The following TACC2 variants were observed in gnomAD, a reference collection of about 807,000 sequenced individuals.
TACC2 encodes transforming acidic coiled-coil-containing protein 2.
A neutral mutation model predicts 227.3 loss-of-function variants in TACC2; 137 were observed. The ratio of observed to expected loss-of-function variants is 0.60; its 90% confidence interval spans 0.52 to 0.69. The LOEUF is 0.69. Among genes scored for constraint, TACC2 ranks in the 30% least tolerant of loss-of-function variants. The pLI is 0.00. For synonymous variants in TACC2, 1,523 were observed against 1,487.5 expected, an observed-to-expected ratio of 1.02 and a Z score of -0.55; for missense variants, 3,470 against 3,694.4, an observed-to-expected ratio of 0.94 and a Z score of 1.57.
At chr10:122,116,025 C>T (rs1297533681) in intron 5 of TACC2, among the ~76,000 whole-genome samples, 1 of 152,102 alleles carries the variant, frequency 6.6e-6, no homozygotes, top group African/African-American at 2.4e-5. Flanking sequence ...TCTGCCTCTC[C>T]CCTATTGAGG....
chr10:122,226,433 T>A lies in TACC2; in HGVS notation c.7676T>A (p.Val2559Asp). ...LMFDTSQESP[V>D]KSSPVRMSES... ...TTTGACACTTCTCAGGAGAGCCCTG[T>A]CAAGTCATCTCCCGTCCGCATGTCA... is the stretch of plus-strand genomic sequence containing the variant. Residue 2559 changes from valine to aspartate, a missense_variant, in exon 13 of 23, where the codon GTC becomes GAC. Physicochemically the swap from Val to Asp is radical, Grantham distance 152 (BLOSUM62 -3). Transcript: ENST00000369005. The A allele has an allele frequency of 4.3e-6, 7 of 1,614,084 alleles. No individual in the cohort carries two copies. The highest frequency in any genetic ancestry group is 5.9e-6 in the Non-Finnish European group (7 of 1,180,012).
chr10:122,148,502 G>A (rs76580997), intron 7 of TACC2, among the ~76,000 whole-genome samples: 4,892 of 152,308 alleles, frequency 0.032, 201 homozygotes, highest in African/African-American at 0.097. Flanking sequence ...TGGAGCCAGC[G>A]TGCCTTCTGG....
chr10:122,188,173 A>G (rs966189746), intron 7 of TACC2, among the ~76,000 whole-genome samples: 3 of 152,240 alleles, frequency 2.0e-5, no homozygotes, highest in African/African-American at 7.2e-5. Flanking sequence ...GCTGAGATCC[A>G]GAAAATGGTT....
chr10:122,037,910 TTTTG>T (rs144221132), intron 2 of TACC2, among the ~76,000 whole-genome samples: 28,920 of 151,162 alleles, frequency 0.19, 3,137 homozygotes, highest in Admixed American at 0.27. Flanking sequence ...TTTTGTTGGT[TTTTG>T]TTTGTTTGTT....
chr10:122,198,721 C>G (rs968907668), intron 8 of TACC2, among the ~76,000 whole-genome samples: 1 of 152,222 alleles, frequency 6.6e-6, no homozygotes, highest in Non-Finnish European at 1.5e-5. Context: ...AAGCCCGGCT[C>G]CCTTCCATTT....
Position 122,248,864 on chromosome 10 carries a change from A to G in TACC2, c.8553+61A>G, listed in dbSNP as rs976489058. 7.5e-6 allele frequency: 12 copies of G among 1,600,960 alleles called. No individual in the cohort carries two copies. In the East Asian group the frequency reaches 2.0e-4, roughly 27 times the overall value. On this transcript the variant is annotated intron_variant, in intron 20 of 22. Transcript: ENST00000369005. ...TCTGATTGGGAGAGATTGTGGGAGC[A>G]CTGGGAGGGGGTAGGATTCCAGAAG...
intron 6 of TACC2, among the ~76,000 whole-genome samples, chr10:122,136,182 C>T (rs1343428265): frequency 6.6e-6 from 1 of 152,188 alleles, no homozygotes; most frequent in Non-Finnish European, 1.5e-5. Context: ...GGCAATAATT[C>T]AGTGTCTCCT....
At chr10:122,133,795 C>T (rs1356371882) in intron 6 of TACC2, among the ~76,000 whole-genome samples, 1 of 152,164 alleles carries the variant, frequency 6.6e-6, no homozygotes, top group Non-Finnish European at 1.5e-5. Context: ...GTAAATGACC[C>T]GTATCTAATT....
chr10:122,191,973 G>T (rs936863887), intron 7 of TACC2, among the ~76,000 whole-genome samples: 1 of 152,148 alleles, frequency 6.6e-6, no homozygotes, highest in African/African-American at 2.4e-5. Context: ...AGACTCGTTG[G>T]GGGTGGACTG....
intron 6 of TACC2, among the ~76,000 whole-genome samples, chr10:122,137,252 C>A (rs775633313): frequency 6.6e-5 from 10 of 151,512 alleles, no homozygotes; most frequent in Non-Finnish European, 1.2e-4. Context: ...TGCCTATGGC[C>A]ACTTGTACTC....
intron 9 of TACC2, among the ~76,000 whole-genome samples, chr10:122,213,794 G>A (rs1164523726): frequency 6.6e-6 from 1 of 152,324 alleles, no homozygotes; most frequent in East Asian, 1.9e-4. Flanking sequence ...CACAGGCAGC[G>A]ACGGCCACAG....
At chr10:122,007,557 C>T (rs1363401379) in intron 1 of TACC2, among the ~76,000 whole-genome samples, 2 of 151,986 alleles carry the variant, frequency 1.3e-5, no homozygotes, top group Non-Finnish European at 2.9e-5. Flanking sequence ...TCTTCTTGTC[C>T]GTTTTTATGG....
At chr10:122,096,650 C>T (rs577656973) in intron 5 of TACC2, among the ~76,000 whole-genome samples, 27 of 149,062 alleles carry the variant, frequency 1.8e-4, no homozygotes, top group African/African-American at 5.4e-4. Flanking sequence ...GAACTGAGAT[C>T]GCGCCATTGC....
intron 2 of TACC2, among the ~76,000 whole-genome samples, chr10:122,040,047 G>A (rs1281243939): frequency 6.6e-6 from 1 of 152,130 alleles, no homozygotes; most frequent in East Asian, 1.9e-4. Context: ...CCTTCCTTTG[G>A]GAATGGACTC....
At chr10:122,155,832 A>AT (rs2092424411) in intron 7 of TACC2, among the ~76,000 whole-genome samples, 53 of 112,398 alleles carry the variant, frequency 4.7e-4, no homozygotes, top group South Asian at 4.6e-3. Context: ...ATAGTGGGAA[A>AT]ATTTTTTTTT....
intron 7 of TACC2, chr10:122,192,500 G>C (rs533307061): frequency 5.6e-6 from 2 of 354,048 alleles, no homozygotes; most frequent in Middle Eastern, 8.8e-4. Context: ...GGCTTTCCTC[G>C]AATCTCTGCT....
Position 122,210,485 on chromosome 10 carries a change from C to A in TACC2, c.6060C>A (p.Phe2020Leu). 6.2e-7 allele frequency: 1 copy of A among 1,614,114 alleles called. No homozygotes were observed. The highest frequency in any genetic ancestry group is 8.5e-7 in the Non-Finnish European group (1 of 1,180,006). Residue 2020 changes from phenylalanine (F) to leucine (L), a missense_variant, in exon 9 of 23, where the codon TTC becomes TTA. Phe to Leu is a conservative substitution (Grantham distance 22, BLOSUM62 0). Transcript: ENST00000369005. This position sits in a 1 kb window ranked among gnomAD's most constrained non-coding sequence, Gnocchi z 4.6. ...GSPFRPPSHS[F>L]SAVFDEDKPI... The stretch of plus-strand genomic sequence containing the variant: ...CCTTCCGTCCCCCGTCACACTCCTT[C>A]TCTGCCGTCTTCGATGAAGACAAGC...
intron 3 of TACC2, among the ~76,000 whole-genome samples, chr10:122,075,127 C>T (rs544952949): frequency 1.3e-4 from 20 of 151,782 alleles, no homozygotes; most frequent in Non-Finnish European, 2.2e-4. Flanking sequence ...GCAACCCGCT[C>T]GGGTCCCTTT....
At chr10:122,006,276 G>A (rs1008538109) in intron 1 of TACC2, among the ~76,000 whole-genome samples, 5 of 151,446 alleles carry the variant, frequency 3.3e-5, no homozygotes, top group Non-Finnish European at 5.9e-5. Context: ...GTGAAACCCC[G>A]TCTCTACTAA....
Sources: allele counts gnomAD v4.1 joint callset (sites outside exome capture counted in the v4.1 genomes callset), GRCh38; gene constraint gnomAD v4.1.1; non-coding constraint Gnocchi (gnomAD v3.1); transcripts MANE v1.5; gene names NCBI Gene and HGNC (gene_info 2026-07-23, HGNC 2026-07-21).